Variants in ALDH1L2 observed in about 807,000 individuals in gnomAD.
The protein encoded by ALDH1L2 is mitochondrial 10-formyltetrahydrofolate dehydrogenase.
ALDH1L2 carries 91 observed loss-of-function variants against 111.0 expected under a neutral mutation model. The observed-to-expected ratio is 0.82, with a 90% CI of 0.69 to 0.98. ALDH1L2 has a LOEUF of 0.98. ALDH1L2 is among the 50% of genes least tolerant of loss of function. ALDH1L2 has a pLI of 0.00. For synonymous variants in ALDH1L2, 374 were observed against 392.6 expected (o/e 0.95, Z 0.56); for missense variants, 995 against 1,126.8 (o/e 0.88, Z 1.67).
chr12:105,038,360 A>G (rs1440481619), intron 17 of ALDH1L2, among the ~76,000 whole-genome samples, 158 bp from the exon 18 acceptor site: 1 of 151,858 alleles, frequency 6.6e-6, no homozygotes, highest in African/African-American at 2.4e-5. Flanking sequence ...CATGGAAAAC[A>G]TATTGAGCCT....
rs78990758 is a variant in ALDH1L2, at chr12:105,025,747, T to C, written c.2716+798A>G. On this transcript the variant is annotated intron_variant, in intron 22 of 22. Transcript: ENST00000258494. ...AAACATTTCAGTTTTTGAAACAACG[T>C]ACCAGACTGAGGGGAATAAGAGATG... Among the ~76,000 whole-genome samples the C allele has an allele frequency of 4.5e-3, 681 of 152,320 alleles. 6 individuals carry two copies. The highest frequency in any genetic ancestry group is 0.015 in the African/African-American group (622 of 41,576).
At chr12:105,081,341 A>G (rs1002542592) in intron 1 of ALDH1L2, among the ~76,000 whole-genome samples, 5 of 152,236 alleles carry the variant, frequency 3.3e-5, no homozygotes, top group African/African-American at 1.2e-4. Context: ...ATGAACAGAT[A>G]AGACACCAGA....
chr12:105,078,383 C>A (rs535352310), intron 1 of ALDH1L2, among the ~76,000 whole-genome samples: 219 of 152,210 alleles, frequency 1.4e-3, no homozygotes, highest in Non-Finnish European at 2.5e-3. Context: ...CGCTTGAACC[C>A]GGGAGGCAGA....
At position 105,021,591 on chromosome 12, in the gene ALDH1L2, A is replaced by AG. The variant is rs1874162063; in HGVS notation, c.*2832_*2833insC. On this transcript the variant is annotated 3_prime_UTR_variant, in exon 23 of 23. Transcript: ENST00000258494. ...AAGAGCAAAACTCTGTCTCAAAAAA[A>AG]AAAAAAAGTAATAATGGCTTAGGGG... 1.3e-5 allele frequency: 2 copies of AG among 152,232 alleles called. No individual in the cohort carries two copies. The highest frequency in any genetic ancestry group is 2.1e-4 in the South Asian group (1 of 4,794). 9.4% of individuals were successfully genotyped at this position (152,232 alleles called of 1,614,324 possible).
intron 1 of ALDH1L2, among the ~76,000 whole-genome samples, chr12:105,078,510 C>T (rs1376858181): frequency 3.3e-5 from 5 of 152,110 alleles, no homozygotes; most frequent in South Asian, 2.1e-4. Flanking sequence ...TGGTCTGTGG[C>T]GCCGTATAGC....
intron 5 of ALDH1L2, 142 bp downstream of exon 5, chr12:105,066,426 A>C (rs2136099118): frequency 3.0e-6 from 2 of 673,430 alleles, no homozygotes; most frequent in East Asian, 5.5e-5. Context: ...TCTCCTGCGT[A>C]TGTCTGGCTA....
At position 105,031,662 on chromosome 12, in the gene ALDH1L2, G is replaced by A. The variant is rs1874703621; in HGVS notation, c.2410+107C>T. On this transcript the variant is annotated intron_variant, in intron 20 of 22. Transcript: ENST00000258494. Reference sequence around the variant, plus strand: ...TGCCACCACACTGGGCTAATTTTTGGTAGAGATGAAGTTTCACCATGTTGG... The same window carrying A: ...TGCCACCACACTGGGCTAATTTTTGATAGAGATGAAGTTTCACCATGTTGG... The A allele has an allele frequency of 2.0e-6, 3 of 1,466,678 alleles. No homozygotes were observed. In the East Asian group the frequency reaches 6.9e-5, roughly 34 times the overall value. 90.9% of individuals were successfully genotyped at this position (1,466,678 alleles called of 1,614,324 possible). A position where few individuals can be genotyped will look rare whatever the true frequency, so the allele number is the denominator to read the frequency against.
chr12:105,084,450 G>C lies in ALDH1L2; in HGVS notation c.-14C>G. On this transcript the variant is annotated 5_prime_UTR_variant, in exon 1 of 23. Transcript: ENST00000258494. The stretch of plus-strand genomic sequence containing the variant: ...CCGCCGCAGCATGCTGGAGAGGAGC[G>C]CTAGCACTGGCGACGCGGCAGCGCG... 1 of 1,427,582 alleles carries C rather than the reference G, an allele frequency of 7.0e-7. No individual in the cohort carries two copies. Among genetic ancestry groups the C allele is most frequent in the Admixed American group, 3.0e-5 (1 of 33,430 alleles). The allele number at this position is 1,427,582 out of a possible 1,614,324, so 88.4% of individuals were successfully genotyped here. A position where few individuals can be genotyped will look rare whatever the true frequency, so the allele number is the denominator to read the frequency against.
chr12:105,034,399 C>G lies in ALDH1L2; in HGVS notation c.2146-1G>C, dbSNP rs755299816. 7 of 1,609,872 alleles carry G rather than the reference C, an allele frequency of 4.3e-6. No individual in the cohort carries two copies. The highest frequency in any genetic ancestry group is 5.9e-6 in the Non-Finnish European group (7 of 1,178,474). ...TGTTGAAAAATACTGCTCCCATGCC[C>G]TTCAGTGGGAGAAGAGAAAATATTG... On this transcript the variant is annotated splice_acceptor_variant, in intron 18 of 22. Transcript: ENST00000258494. LOFTEE classifies it high-confidence loss of function.
chr12:105,058,530 C>T (rs561446502), intron 9 of ALDH1L2, among the ~76,000 whole-genome samples: 10 of 152,200 alleles, frequency 6.6e-5, no homozygotes, highest in Non-Finnish European at 1.3e-4. Context: ...CAACTCCTTT[C>T]CTTTCATATA....
At position 105,023,470 on chromosome 12, in the gene ALDH1L2, GTTAA is replaced by G. The variant is rs1226879851; in HGVS notation, c.*950_*953del. ...GGGTTGTGGGAAATGAATTCATCTAGTTAATTAAACTATCTCAATATCTTTTAAG... is the reference window on the plus strand; with the variant it reads ...GGGTTGTGGGAAATGAATTCATCTAGTTAAACTATCTCAATATCTTTTAAG... On this transcript the variant is annotated 3_prime_UTR_variant, in exon 23 of 23. Transcript: ENST00000258494. The G allele has an allele frequency of 6.6e-6, 1 of 152,148 alleles. No homozygotes were observed. The highest frequency in any genetic ancestry group is 1.5e-5 in the Non-Finnish European group (1 of 68,034). 9.4% of individuals were successfully genotyped at this position (152,148 alleles called of 1,614,324 possible).
At chr12:105,064,615 A>T (rs1333130420) in intron 6 of ALDH1L2, among the ~76,000 whole-genome samples, 1 of 152,172 alleles carries the variant, frequency 6.6e-6, no homozygotes, top group Non-Finnish European at 1.5e-5. Flanking sequence ...AGAGACCCTC[A>T]CAATATATGA....
intron 7 of ALDH1L2, among the ~76,000 whole-genome samples, chr12:105,062,467 AG>A (rs1779240478): frequency 6.6e-6 from 1 of 152,224 alleles, no homozygotes; most frequent in African/African-American, 2.4e-5. Context: ...TCCTGAGCAT[AG>A]GCAGTTTAGG....
At chr12:105,030,828 G>T (rs1436842677) in intron 20 of ALDH1L2, among the ~76,000 whole-genome samples, 1 of 152,146 alleles carries the variant, frequency 6.6e-6, no homozygotes, top group Non-Finnish European at 1.5e-5. Flanking sequence ...AACAAAATTA[G>T]TAAGTATTCT....
Position 105,051,712 on chromosome 12 carries a change from G to A in ALDH1L2, c.1535+378C>T, listed in dbSNP as rs558789357. On this transcript the variant is annotated intron_variant, in intron 12 of 22. Transcript: ENST00000258494. ...TATTAGGTGAATACTAGAATGTTTT[G>A]CAGGAATTTTTAAAATCTTGGCAAT... is the stretch of plus-strand genomic sequence containing the variant. Among the ~76,000 whole-genome samples the A allele has an allele frequency of 2.0e-5, 3 of 152,154 alleles. No homozygotes were observed. In the East Asian group the frequency reaches 5.8e-4, roughly 29 times the overall value.
chr12:105,035,089 C>T (rs137973159), intron 18 of ALDH1L2, among the ~76,000 whole-genome samples: 42 of 152,278 alleles, frequency 2.8e-4, no homozygotes, highest in African/African-American at 1.0e-3. Flanking sequence ...GCTGGCACTA[C>T]AGGTGTGCAC....
chr12:105,036,393 GTATA>G (rs1297625432), intron 18 of ALDH1L2, among the ~76,000 whole-genome samples: 3 of 78,194 alleles, frequency 3.8e-5, no homozygotes, highest in Non-Finnish European at 6.7e-5. Context: ...TTATATATGT[GTATA>G]TATATTATAT....
intron 1 of ALDH1L2, among the ~76,000 whole-genome samples, chr12:105,079,103 G>A (rs548280398): frequency 6.6e-6 from 1 of 152,314 alleles, no homozygotes; most frequent in East Asian, 1.9e-4. Context: ...AACTCTGGAG[G>A]CATGAACTAG....
intron 1 of ALDH1L2, among the ~76,000 whole-genome samples, chr12:105,084,002 G>T (rs1466461043): frequency 2.0e-5 from 3 of 152,128 alleles, no homozygotes; most frequent in African/African-American, 7.2e-5. Flanking sequence ...AGACAGTCTC[G>T]GTTCCATATG....
Sources: gnomAD v4.1 joint callset for allele counts (sites outside exome capture counted in the v4.1 genomes callset) on GRCh38, gnomAD v4.1.1 for gene constraint, MANE v1.5 for transcripts, NCBI Gene and HGNC (gene_info 2026-07-23, HGNC 2026-07-21) for gene names.